NRXN1: variants seen among roughly 807,000 people sequenced by gnomAD.
NRXN1 encodes the protein neurexin 1, also known as neurexin-1.
In NRXN1, 39 loss-of-function variants were observed where a neutral mutation model predicts 150.9. The ratio of observed to expected loss-of-function variants is 0.26; its 90% confidence interval spans 0.20 to 0.34. The LOEUF is 0.34. NRXN1 is among the 10% of genes least tolerant of loss of function. NRXN1 has a pLI of 1.00. For synonymous variants in NRXN1, 924 were observed against 757.0 expected (o/e 1.22, Z -3.62); for missense variants, 1,815 against 1,949.9 (o/e 0.93, Z 1.30).
At position 50,046,870 on chromosome 2, in the gene NRXN1, T is replaced by C. The variant is rs558231805; in HGVS notation, c.4128+6401A>G. Among the ~76,000 whole-genome samples the C allele has an allele frequency of 1.1e-4, 17 of 152,294 alleles. No individual in the cohort carries two copies. The East Asian group carries it at 2.9e-3, about 26-fold the overall frequency. On this transcript the variant is annotated intron_variant, in intron 21 of 22. Coordinates refer to ENST00000401669, the MANE Select transcript of NRXN1 (RefSeq NM_001330078.2). ...ATGTTAGGTGTCCAGCATGGAACCA[T>C]ATTTATAGGCAATGCCTAAATAGAT...
chr2:50,500,285 A>G (rs921102831), intron 13 of NRXN1, among the ~76,000 whole-genome samples: 1 of 152,102 alleles, frequency 6.6e-6, no homozygotes, highest in African/African-American at 2.4e-5. Context: ...ATATGCACAC[A>G]GAGCATAAAT....
intron 5 of NRXN1, among the ~76,000 whole-genome samples, chr2:50,636,038 T>C (rs979603794): frequency 1.3e-5 from 2 of 152,152 alleles, no homozygotes; most frequent in Admixed American, 6.5e-5. Context: ...TTTTAAAAAA[T>C]CAGCTTTTTA....
At chr2:50,222,980 A>T (rs565904609) in intron 18 of NRXN1, among the ~76,000 whole-genome samples, 1 of 152,078 alleles carries the variant, frequency 6.6e-6, no homozygotes, top group East Asian at 1.9e-4. Context: ...TTTCAATACA[A>T]ATTTTTATGA....
At chr2:49,942,434 C>G (rs1302016957) in intron 22 of NRXN1, among the ~76,000 whole-genome samples, 2 of 151,994 alleles carry the variant, frequency 1.3e-5, no homozygotes, top group African/African-American at 4.8e-5. Flanking sequence ...CTCTAAAGAG[C>G]GGATTTACTC....
At chr2:50,505,021 A>G (rs555829881) in intron 13 of NRXN1, among the ~76,000 whole-genome samples, 3 of 152,276 alleles carry the variant, frequency 2.0e-5, no homozygotes, top group African/African-American at 7.2e-5. Flanking sequence ...ACTATAAAGT[A>G]CTCAAGTCAA....
chr2:50,672,650 T>TA (rs1361908980), intron 5 of NRXN1, among the ~76,000 whole-genome samples: 1 of 151,752 alleles, frequency 6.6e-6, no homozygotes, highest in Non-Finnish European at 1.5e-5. Context: ...TAGCAAGGTT[T>TA]AAAAAAAAGA....
At chr2:50,104,388 A>G (rs775511152) in intron 18 of NRXN1, among the ~76,000 whole-genome samples, 14 of 152,054 alleles carry the variant, frequency 9.2e-5, no homozygotes, top group Non-Finnish European at 1.6e-4. Flanking sequence ...ACATGAACAA[A>G]ACCTAATAGA....
intron 18 of NRXN1, among the ~76,000 whole-genome samples, chr2:50,166,315 GTGTGTGTGTT>G (rs1324977090): frequency 4.2e-5 from 6 of 143,744 alleles, no homozygotes; most frequent in African/African-American, 1.4e-4. Flanking sequence ...GTGTGTGTGT[GTGTGTGTGTT>G]TGTGTGTGTG....
chr2:50,333,182 C>T (rs2076942776), intron 17 of NRXN1, among the ~76,000 whole-genome samples: 1 of 152,152 alleles, frequency 6.6e-6, no homozygotes, highest in Admixed American at 6.5e-5. Flanking sequence ...AGCCTGTGCT[C>T]CCCTACGTGG....
chr2:50,603,253 C>T (rs1174929841), intron 8 of NRXN1, among the ~76,000 whole-genome samples: 1 of 152,114 alleles, frequency 6.6e-6, no homozygotes, highest in Non-Finnish European at 1.5e-5. Flanking sequence ...ACTATGGGAC[C>T]AGCTTCAGGT....
intron 18 of NRXN1, among the ~76,000 whole-genome samples, chr2:50,163,973 C>T (rs187560216): frequency 3.3e-5 from 5 of 152,134 alleles, no homozygotes; most frequent in Admixed American, 2.0e-4. Context: ...CCAAATCCAT[C>T]CTCTCAAACC....
intron 17 of NRXN1, among the ~76,000 whole-genome samples, chr2:50,443,541 C>G (rs1383819014): frequency 6.6e-6 from 1 of 152,152 alleles, no homozygotes. Context: ...GGGAACTTCA[C>G]TGAGAATTAG....
chr2:50,075,390 A>G (rs1696928040), intron 19 of NRXN1, among the ~76,000 whole-genome samples: 1 of 152,250 alleles, frequency 6.6e-6, no homozygotes, highest in Admixed American at 6.5e-5. Flanking sequence ...ACAGGAAAAG[A>G]GGCCCAATTG....
chr2:50,287,065 C>A (rs2072283358), intron 17 of NRXN1, among the ~76,000 whole-genome samples: 1 of 151,986 alleles, frequency 6.6e-6, no homozygotes, highest in South Asian at 2.1e-4. Flanking sequence ...TCAATAAGTA[C>A]AGGCTTGCAA....
intron 5 of NRXN1, among the ~76,000 whole-genome samples, chr2:50,824,520 T>C (rs1000031980): frequency 5.3e-5 from 8 of 152,128 alleles, no homozygotes; most frequent in African/African-American, 1.9e-4. Flanking sequence ...CTTTTAAAAC[T>C]CTAGTATGTA....
intron 19 of NRXN1, among the ~76,000 whole-genome samples, chr2:50,058,974 G>A (rs1366796621): frequency 6.6e-6 from 1 of 152,112 alleles, no homozygotes; most frequent in East Asian, 1.9e-4. Flanking sequence ...TATGAAAATA[G>A]ACTAATATAG....
intron 2 of NRXN1, among the ~76,000 whole-genome samples, chr2:50,993,273 G>A (rs1698808977): frequency 6.6e-6 from 1 of 151,918 alleles, no homozygotes; most frequent in South Asian, 2.1e-4. Context: ...AAATGAGAAT[G>A]GAGACCGAAA....
At chr2:50,147,017 A>G (rs1708102078) in intron 18 of NRXN1, among the ~76,000 whole-genome samples, 2 of 151,722 alleles carry the variant, frequency 1.3e-5, no homozygotes, top group African/African-American at 4.8e-5. Flanking sequence ...AATTTTGTTA[A>G]TTTTATCCTA....
At chr2:50,312,507 G>A (rs940218704) in intron 17 of NRXN1, among the ~76,000 whole-genome samples, 10 of 151,726 alleles carry the variant, frequency 6.6e-5, no homozygotes, top group African/African-American at 2.4e-4. Flanking sequence ...AATATAGCTA[G>A]TTTTGACAGT....
Sources: gnomAD v4.1 joint callset for allele counts (sites outside exome capture counted in the v4.1 genomes callset) on GRCh38, gnomAD v4.1.1 for gene constraint, MANE v1.5 for transcripts, NCBI Gene and HGNC (gene_info 2026-07-23, HGNC 2026-07-21) for gene names.